The following NALF1 variants were observed in gnomAD, a reference collection of about 807,000 sequenced individuals.
The protein encoded by NALF1 is NALCN channel auxiliary factor 1.
NALF1 carries 3 observed loss-of-function variants against 48.4 expected under a neutral mutation model. The ratio of observed to expected loss-of-function variants is 0.06; its 90% CI spans 0.03 to 0.16. The LOEUF is 0.16. Among genes scored for constraint, NALF1 ranks in the 10% least tolerant of loss-of-function variants. NALF1 has a pLI of 1.00. For missense variants in NALF1, 526 were observed against 571.5 expected, an observed-to-expected ratio of 0.92 and a Z score of 0.81; for synonymous variants, 262 against 245.7, an observed-to-expected ratio of 1.07 and a Z score of -0.62.
intron 1 of NALF1, among the ~76,000 whole-genome samples, chr13:107,270,671 AT>A (rs1566470346): frequency 2.3e-3 from 84 of 35,906 alleles, no homozygotes; most frequent in African/African-American, 4.1e-3. Flanking sequence ...ATATATTTTT[AT>A]TATTATTATA....
chr13:107,535,564 A>G (rs982584590), intron 1 of NALF1, among the ~76,000 whole-genome samples: 3 of 152,192 alleles, frequency 2.0e-5, no homozygotes, highest in Admixed American at 2.0e-4. Context: ...TCACTGCTCA[A>G]CAAAATAAAA....
At chr13:107,666,115 T>C (rs1880852158) in intron 1 of NALF1, among the ~76,000 whole-genome samples, 2 of 152,134 alleles carry the variant, frequency 1.3e-5, no homozygotes, top group African/African-American at 4.8e-5. Flanking sequence ...AAGAGCATTG[T>C]CATAGTGAAG....
intron 1 of NALF1, among the ~76,000 whole-genome samples, chr13:107,768,626 A>C (rs1877484153): frequency 6.6e-6 from 1 of 152,234 alleles, no homozygotes; most frequent in African/African-American, 2.4e-5. Context: ...AAATGGAAGA[A>C]AATGGACTAA....
chr13:107,617,638 T>A (rs572459432), intron 1 of NALF1, among the ~76,000 whole-genome samples: 31 of 152,094 alleles, frequency 2.0e-4, no homozygotes, highest in African/African-American at 7.5e-4. Context: ...ACCAACTGAA[T>A]GAAAACAATA....
intron 1 of NALF1, among the ~76,000 whole-genome samples, chr13:107,552,029 T>C (rs1594124672): frequency 1.3e-5 from 2 of 152,276 alleles, no homozygotes. Context: ...GTAAAAATTA[T>C]GAAAGTAAAC....
intron 1 of NALF1, among the ~76,000 whole-genome samples, chr13:107,373,717 T>C (rs1444890234): frequency 6.6e-6 from 1 of 152,226 alleles, no homozygotes; most frequent in African/African-American, 2.4e-5. Flanking sequence ...CATCTCTTTC[T>C]TTTTCTTTTC....
At chr13:107,766,672 T>C (rs370539935) in intron 1 of NALF1, among the ~76,000 whole-genome samples, 11 of 152,304 alleles carry the variant, frequency 7.2e-5, no homozygotes, top group African/African-American at 2.4e-4. Context: ...TTTTTAAAAA[T>C]CCTTAAAGCA....
chr13:107,371,351 G>A (rs1402865998), intron 1 of NALF1, among the ~76,000 whole-genome samples: 2 of 152,170 alleles, frequency 1.3e-5, no homozygotes, highest in African/African-American at 4.8e-5. Context: ...GGAGACGGAG[G>A]TAGAAGGATC....
intron 1 of NALF1, among the ~76,000 whole-genome samples, chr13:107,375,642 G>A (rs934930270): frequency 1.3e-5 from 2 of 152,146 alleles, no homozygotes; most frequent in South Asian, 4.1e-4. Flanking sequence ...TGAATTATCA[G>A]TTTAATTTCT....
intron 1 of NALF1, among the ~76,000 whole-genome samples, chr13:107,626,568 T>G (rs185659660): frequency 6.6e-6 from 1 of 152,270 alleles, no homozygotes; most frequent in Non-Finnish European, 1.5e-5. Flanking sequence ...ATATATAAAA[T>G]GGAATATTAC....
At chr13:107,303,265 A>G (rs370091781) in intron 1 of NALF1, among the ~76,000 whole-genome samples, 2 of 152,128 alleles carry the variant, frequency 1.3e-5, no homozygotes, top group South Asian at 4.1e-4. Flanking sequence ...ATTTCTTTAT[A>G]TATTGTGGAT....
In NALF1 at chr13:107,600,168, A is replaced by G. The variant is rs558999943; in HGVS notation, c.915+265514T>C. On this transcript the variant is annotated intron_variant, in intron 1 of 2. Transcript: ENST00000375915. ...AAATCACCATGGCATTCAGAATTCAAGGTTGAAGGTTGTGTGTTACAGTGA... is the reference window on the plus strand; with the variant it reads ...AAATCACCATGGCATTCAGAATTCAGGGTTGAAGGTTGTGTGTTACAGTGA... Among the ~76,000 whole-genome samples the G allele has an allele frequency of 4.5e-4, 68 of 152,298 alleles. 1 individual carries two copies. The highest frequency in any genetic ancestry group is 1.3e-3 in the African/African-American group (56 of 41,566).
rs529256434 is a variant in NALF1, at chr13:107,572,911, C to T, written c.915+292771G>A. ...CAAAACATGCCAGTGACTTCCTCAT[C>T]CCACTCAGGGTAACATCGAAAGTGC... On this transcript the variant is annotated intron_variant, in intron 1 of 2. Transcript: ENST00000375915. Among the ~76,000 whole-genome samples the T allele has an allele frequency of 5.9e-5, 9 of 152,306 alleles. No individual in the cohort carries two copies. The South Asian group carries it at 6.2e-4, about 11-fold the overall frequency.
At chr13:107,250,597 G>A (rs115775603) in intron 1 of NALF1, among the ~76,000 whole-genome samples, 1,806 of 152,232 alleles carry the variant, frequency 0.012, 32 homozygotes, top group African/African-American at 0.041. Context: ...AATTTTCAGA[G>A]AGGATAGGAA....
chr13:107,415,638 C>T (rs1370105957), intron 1 of NALF1, among the ~76,000 whole-genome samples: 1 of 152,198 alleles, frequency 6.6e-6, no homozygotes, highest in East Asian at 1.9e-4. Flanking sequence ...ACAGTCAGTT[C>T]ACTCTGAATA....
intron 1 of NALF1, among the ~76,000 whole-genome samples, chr13:107,606,429 A>G (rs1038346411): frequency 2.6e-5 from 4 of 151,864 alleles, no homozygotes; most frequent in African/African-American, 9.7e-5. Context: ...GCAGTGGTGC[A>G]ATCTCTGCTC....
chr13:107,191,957 C>T (rs1467484407), intron 2 of NALF1, among the ~76,000 whole-genome samples: 1 of 150,156 alleles, frequency 6.7e-6, no homozygotes, highest in African/African-American at 2.5e-5. Context: ...GCTGGGATTA[C>T]AGGCATAAGC....
rs140161355 is a variant in NALF1, at chr13:107,599,662, G to C, written c.915+266020C>G. 1.6e-3 allele frequency among the ~76,000 whole-genome samples: 242 copies of C among 152,256 alleles called. 1 individual carries two copies. Among genetic ancestry groups the C allele is most frequent in the African/African-American group, 5.5e-3 (228 of 41,562 alleles). The stretch of plus-strand genomic sequence containing the variant: ...TCAAATTCATTTCCAAATTATTAGT[G>C]AAGTTGAACACTATTTTATGTTCTC... On this transcript the variant is annotated intron_variant, in intron 1 of 2. Coordinates refer to ENST00000375915, the MANE Select transcript of NALF1 (RefSeq NM_001080396.3).
rs765841318 is a variant in NALF1, at chr13:107,166,578, T to C, written c.*3919A>G. The stretch of plus-strand genomic sequence containing the variant: ...ACTGAGAAAGAATGTAAATCATGCT[T>C]CAGACTGGTTAACGTTTTTGATGTT... On this transcript the variant is annotated 3_prime_UTR_variant, in exon 3 of 3. Transcript: ENST00000375915. 2 of 152,204 alleles carry C rather than the reference T, an allele frequency of 1.3e-5. No individual in the cohort carries two copies. The highest frequency in any genetic ancestry group is 2.9e-5 in the Non-Finnish European group (2 of 68,034). The allele number at this position is 152,204 out of a possible 1,614,324, so 9.4% of individuals were successfully genotyped here.
Sources: allele counts gnomAD v4.1 joint callset (sites outside exome capture counted in the v4.1 genomes callset), GRCh38; gene constraint gnomAD v4.1.1; transcripts MANE v1.5; gene names NCBI Gene and HGNC (gene_info 2026-07-23, HGNC 2026-07-21).